The following TSEN2 variants were observed in gnomAD, a reference collection of about 807,000 sequenced individuals.
The protein encoded by TSEN2 is tRNA splicing endonuclease subunit 2.
Under a neutral mutation model 59.2 loss-of-function variants are expected in TSEN2, and 54 were observed. That is an observed-to-expected ratio of 0.91 (90% CI 0.73 to 1.14). The LOEUF (loss-of-function observed/expected upper bound fraction) is 1.14, where lower values mean the gene tolerates loss of function less well. Among genes scored for constraint, TSEN2 ranks in the 50% most tolerant of loss-of-function variants. The pLI, the probability that TSEN2 is intolerant of heterozygous loss-of-function variation, is 0.00. For missense variants in TSEN2, 636 were observed against 576.2 expected (o/e 1.10, Z -1.06); for synonymous variants, 195 against 198.2 (o/e 0.98, Z 0.14).
intron 4 of TSEN2, among the ~76,000 whole-genome samples, chr3:12,502,219 A>G (rs2054341129): frequency 6.6e-6 from 1 of 152,322 alleles, no homozygotes; most frequent in South Asian, 2.1e-4. Context: ...TGGCATATCT[A>G]TCTGAAAACA....
At chr3:12,506,561 C>T (rs1015668523) in intron 6 of TSEN2, 1 of 394,490 alleles carries the variant, frequency 2.5e-6, no homozygotes, top group Non-Finnish European at 3.4e-6. Context: ...CGCCACTGCA[C>T]AAGCGAGATC....
intron 6 of TSEN2, among the ~76,000 whole-genome samples, chr3:12,515,808 G>C (rs1318024392): frequency 1.3e-5 from 2 of 151,944 alleles, no homozygotes; most frequent in Admixed American, 6.6e-5. Context: ...CTTCACCAAA[G>C]ATGACTGGGA....
In TSEN2 at chr3:12,516,306, G is replaced by A. The variant is rs1575393508; in HGVS notation, c.910-305G>A. 2.0e-5 allele frequency among the ~76,000 whole-genome samples: 3 copies of A among 152,196 alleles called. No individual in the cohort carries two copies. In the East Asian group the frequency reaches 5.8e-4, roughly 29 times the overall value. On this transcript the variant is annotated intron_variant, in intron 6 of 11. Coordinates refer to ENST00000284995, the MANE Select transcript of TSEN2 (RefSeq NM_025265.4). ...CCGGGCGTGGCGGCGGGCGCCTGTA[G>A]TCCCAGCTACTCGGGAGGCTGAGGC...
intron 6 of TSEN2, among the ~76,000 whole-genome samples, chr3:12,512,983 T>TA (rs1216752443): frequency 6.6e-6 from 1 of 152,224 alleles, no homozygotes; most frequent in Non-Finnish European, 1.5e-5. Context: ...AAGTAAAACT[T>TA]ACTAATGAGA....
intron 2 of TSEN2, among the ~76,000 whole-genome samples, chr3:12,491,492 C>G (rs892140632): frequency 2.0e-5 from 3 of 152,150 alleles, no homozygotes; most frequent in Admixed American, 2.0e-4. Flanking sequence ...CAGCATGGCT[C>G]CTGCCTTCAG....
intron 6 of TSEN2, among the ~76,000 whole-genome samples, chr3:12,515,196 C>T (rs915508490): frequency 4.6e-5 from 7 of 152,182 alleles, no homozygotes; most frequent in African/African-American, 1.7e-4. Context: ...GTATTCACTG[C>T]TTGGAAGTCC....
chr3:12,489,665 C>T, intron 1 of TSEN2, 119 bp from the exon 2 acceptor site: 1 of 786,780 alleles, frequency 1.3e-6, no homozygotes, highest in East Asian at 2.7e-5. Context: ...TTTATAAATA[C>T]TCTATTTCTT....
At chr3:12,483,363 C>A (rs2052278537), upstream of TSEN2, among the ~76,000 whole-genome samples, 1 of 151,984 alleles carries the variant, frequency 6.6e-6, no homozygotes, top group South Asian at 2.1e-4. Context: ...CCAGCCTGGG[C>A]GACAGAGCCA....
chr3:12,519,018 A>C, intron 7 of TSEN2, 41 bp from the exon 8 acceptor site: 1 of 1,610,372 alleles, frequency 6.2e-7, no homozygotes, highest in Non-Finnish European at 8.5e-7. Context: ...GAGTGAATGC[A>C]TACATAGTAA....
chr3:12,495,903 C>CGTA lies in TSEN2; in HGVS notation c.272-615_272-614insGTA, dbSNP rs1487537028. Among the ~76,000 whole-genome samples the CGTA allele has an allele frequency of 3.3e-5, 5 of 152,206 alleles. No individual in the cohort carries two copies. In the East Asian group the frequency reaches 9.6e-4, roughly 29 times the overall value. Reference sequence around the variant, plus strand: ...TGATGCCCTGCTTATGCCTGGGGTACAGGCAAGTTAACTACAACCAAAACC... The same window carrying CGTA: ...TGATGCCCTGCTTATGCCTGGGGTACGTAAGGCAAGTTAACTACAACCAAAACC... On this transcript the variant is annotated intron_variant, in intron 3 of 11. Coordinates refer to ENST00000284995, the MANE Select transcript of TSEN2 (RefSeq NM_025265.4).
At chr3:12,531,251 A>G (rs1438485111) in intron 10 of TSEN2, 1 of 298,542 alleles carries the variant, frequency 3.3e-6, no homozygotes, top group African/African-American at 2.2e-5. Context: ...TATCAACATC[A>G]TTTCACTTAA....
At chr3:12,505,830 A>G (rs537195897) in intron 6 of TSEN2, among the ~76,000 whole-genome samples, 3 of 147,230 alleles carry the variant, frequency 2.0e-5, no homozygotes, top group African/African-American at 7.5e-5. Context: ...GCTAGGTGTG[A>G]TGGCTTATGC....
intron 6 of TSEN2, among the ~76,000 whole-genome samples, chr3:12,509,365 A>T (rs2055188635): frequency 6.6e-6 from 1 of 151,774 alleles, no homozygotes; most frequent in Non-Finnish European, 1.5e-5. Flanking sequence ...ACACCCAGCT[A>T]ATTTTTGTAT....
intron 8 of TSEN2, among the ~76,000 whole-genome samples, chr3:12,519,822 A>C (rs2056481309): frequency 6.6e-6 from 1 of 152,184 alleles, no homozygotes; most frequent in Non-Finnish European, 1.5e-5. Context: ...AATTTGGGAG[A>C]GTCCCTTATC....
At chr3:12,526,265 A>G (rs2057075006) in intron 8 of TSEN2, among the ~76,000 whole-genome samples, 1 of 152,192 alleles carries the variant, frequency 6.6e-6, no homozygotes, top group South Asian at 2.1e-4. Context: ...AGAACTTCGC[A>G]TTCACTCACG....
chr3:12,509,089 G>A (rs1238096684), intron 6 of TSEN2, among the ~76,000 whole-genome samples: 2 of 152,192 alleles, frequency 1.3e-5, no homozygotes, highest in African/African-American at 4.8e-5. Flanking sequence ...TGATTTGGGG[G>A]AGCAAATTTT....
At chr3:12,516,765 C>G in intron 7 of TSEN2, 104 bp downstream of exon 7, 3 of 1,185,954 alleles carry the variant, frequency 2.5e-6, no homozygotes, top group Non-Finnish European at 3.7e-6. Context: ...TCTACTCTTA[C>G]TGAATAAAAT....
At chr3:12,487,448 T>C (rs555179780) in intron 1 of TSEN2, among the ~76,000 whole-genome samples, 7 of 152,358 alleles carry the variant, frequency 4.6e-5, no homozygotes, top group South Asian at 4.1e-4. Context: ...ACAACTCTTA[T>C]TTGTTGAGAG....
rs535642181 is a variant in TSEN2, at chr3:12,531,654, G to T, written c.1333G>T (p.Val445Phe). ...ESPECMKRIK[V>F]QEVILSRWVS... is the part of the protein sequence containing the mutation. The stretch of plus-strand genomic sequence containing the variant: ...ACCAGAATGTATGAAAAGGATTAAA[G>T]TTCAGGTGGGTAAACTCAGAGAAAT... Residue 445 changes from valine (V) to phenylalanine (F), a missense_variant, in exon 11 of 12, where the codon GTT becomes TTT. By Grantham distance (50) the Val-to-Phe change is conservative (BLOSUM62 -1). Transcript: ENST00000284995. The T allele has an allele frequency of 6.3e-7, 1 of 1,598,974 alleles. No homozygotes were observed. The highest frequency in any genetic ancestry group is 8.6e-7 in the Non-Finnish European group (1 of 1,166,178).
Sources: allele counts gnomAD v4.1 joint callset (sites outside exome capture counted in the v4.1 genomes callset), GRCh38; gene constraint gnomAD v4.1.1; transcripts MANE v1.5; gene names NCBI Gene and HGNC (gene_info 2026-07-23, HGNC 2026-07-21).